DYM: variants seen among roughly 807,000 people sequenced by gnomAD.
The protein encoded by DYM is dyggve-Melchior-Clausen syndrome protein.
A neutral mutation model predicts 93.1 loss-of-function variants in DYM; 78 were observed. The observed-to-expected ratio is 0.84, with a 90% CI of 0.70 to 1.01. The LOEUF (loss-of-function observed/expected upper bound fraction) is 1.01, where lower values mean the gene tolerates loss of function less well. Ranked by LOEUF, DYM falls within the 50% of genes least tolerant of loss-of-function variation. The pLI, the probability that DYM is intolerant of heterozygous loss-of-function variation, is 0.00. For missense variants in DYM, 789 were observed against 845.0 expected (o/e 0.93, Z 0.82); for synonymous variants, 321 against 319.7 (o/e 1.00, Z -0.04).
chr18:49,148,428 A>G (rs1307940780), intron 15 of DYM, among the ~76,000 whole-genome samples: 2 of 152,042 alleles, frequency 1.3e-5, no homozygotes, highest in African/African-American at 4.8e-5. Flanking sequence ...TTTTAAATTA[A>G]TTAATTTTTT....
intron 6 of DYM, among the ~76,000 whole-genome samples, chr18:49,362,056 G>T (rs1209575832): frequency 6.8e-6 from 1 of 148,022 alleles, no homozygotes; most frequent in Non-Finnish European, 1.5e-5. Context: ...AGTAGAGACA[G>T]GGTCTCACTA....
intron 1 of DYM, among the ~76,000 whole-genome samples, chr18:49,441,791 G>A (rs993630330): frequency 1.3e-5 from 2 of 152,072 alleles, no homozygotes; most frequent in Admixed American, 6.5e-5. Flanking sequence ...AAGAGCGAGA[G>A]ACAGGGCACT....
intron 2 of DYM, among the ~76,000 whole-genome samples, chr18:49,425,463 C>T (rs1187217666): frequency 6.6e-6 from 1 of 152,072 alleles, no homozygotes; most frequent in East Asian, 1.9e-4. Context: ...CTAGGCAATA[C>T]CATTCAGGAC....
At position 49,168,990 on chromosome 18, in the gene DYM, C is replaced by T. The variant is rs545373467; in HGVS notation, c.1626-5203G>A. ...GGTGAGAAGTGGCAAGAAATGAAGC[C>T]GGTAAGACAAGAGGGGCCAAATAAG... On this transcript the variant is annotated intron_variant, in intron 14 of 17. Coordinates refer to ENST00000675505, the MANE Select transcript of DYM (RefSeq NM_001353214.3). Among the ~76,000 whole-genome samples, 204 of 152,124 alleles carry T rather than the reference C, an allele frequency of 1.3e-3. No individual in the cohort carries two copies. The Middle Eastern group carries it at 0.014, about 10-fold the overall frequency.
chr18:49,187,009 T>A (rs1275432757), intron 14 of DYM, among the ~76,000 whole-genome samples: 1 of 150,770 alleles, frequency 6.6e-6, no homozygotes. Context: ...AAGCTCCGCT[T>A]CCTGGGTTCA....
intron 13 of DYM, among the ~76,000 whole-genome samples, chr18:49,238,055 C>T (rs28459135): frequency 0.025 from 3,777 of 152,150 alleles, 148 homozygotes; most frequent in African/African-American, 0.085. Context: ...CACAAATGCA[C>T]GTAGGATTGC....
rs77403955 is a variant in DYM, at chr18:49,123,425, T to A, written c.1729-4499A>T. ...ATCCCATGGTGAGGCTGTTTCTGTGTACTCTTGCCTCCCTAGACATATAAT... is the reference window on the plus strand; with the variant it reads ...ATCCCATGGTGAGGCTGTTTCTGTGAACTCTTGCCTCCCTAGACATATAAT... On this transcript the variant is annotated intron_variant, in intron 15 of 17. Coordinates refer to ENST00000675505, the MANE Select transcript of DYM (RefSeq NM_001353214.3). Among the ~76,000 whole-genome samples, 857 of 152,336 alleles carry A rather than the reference T, an allele frequency of 5.6e-3. 4 individuals are homozygous for A. Among genetic ancestry groups the A allele is most frequent in the Admixed American group, 0.011 (164 of 15,308 alleles).
chr18:49,114,956 G>C (rs1372337138), intron 16 of DYM, among the ~76,000 whole-genome samples: 1 of 152,212 alleles, frequency 6.6e-6, no homozygotes, highest in African/African-American at 2.4e-5. Flanking sequence ...AGCATTTAGT[G>C]AATGTGTATA....
chr18:49,141,089 C>A (rs943064702), intron 15 of DYM, among the ~76,000 whole-genome samples: 10 of 152,214 alleles, frequency 6.6e-5, no homozygotes, highest in Non-Finnish European at 1.5e-4. Context: ...GGTTGGAGGT[C>A]TCTCAGAGCT....
intron 11 of DYM, among the ~76,000 whole-genome samples, chr18:49,258,986 A>C (rs1330505030): frequency 1.3e-5 from 2 of 150,914 alleles, no homozygotes; most frequent in East Asian, 1.9e-4. Context: ...AAAAACAAAA[A>C]AAAAAACAAA....
chr18:49,230,888 A>T (rs2093674883), intron 13 of DYM, among the ~76,000 whole-genome samples: 1 of 152,218 alleles, frequency 6.6e-6, no homozygotes, highest in Non-Finnish European at 1.5e-5. Context: ...TCAATAACCT[A>T]TATGTAGAAA....
Position 49,202,760 on chromosome 18 carries a change from C to G in DYM, c.1625+6791G>C, listed in dbSNP as rs1423151851. 2.1e-3 allele frequency among the ~76,000 whole-genome samples: 84 copies of G among 39,708 alleles called. 1 individual carries two copies. Among genetic ancestry groups the G allele is most frequent in the Admixed American group, 0.017 (64 of 3,860 alleles). 26.0% of individuals were successfully genotyped at this position (39,708 alleles called of 152,430 possible). A position where few individuals can be genotyped will look rare whatever the true frequency, so the allele number is the denominator to read the frequency against. On this transcript the variant is annotated intron_variant, in intron 14 of 17. Coordinates refer to ENST00000675505, the MANE Select transcript of DYM (RefSeq NM_001353214.3). The stretch of plus-strand genomic sequence containing the variant: ...AGTGAGGAGACCCTCTGCCTGGCAA[C>G]CACCCCGTCTGAGAAGTGAGGAGCC...
At chr18:49,055,848 C>A (rs1000698221) in intron 17 of DYM, among the ~76,000 whole-genome samples, 22 of 152,232 alleles carry the variant, frequency 1.4e-4, no homozygotes, top group African/African-American at 5.1e-4. Flanking sequence ...CCTGGAAAGG[C>A]TGGGTGAAGA....
chr18:49,317,688 C>CCTTT lies in DYM; in HGVS notation c.763+14172_763+14175dup, dbSNP rs762638420. On this transcript the variant is annotated intron_variant, in intron 8 of 17. Transcript: ENST00000675505. ...TCCTTCCTTCCTTCCTTCCTTCCTT[C>CCTTT]CTTTCTTTCTTTCTTTCAAGCAATT... Among the ~76,000 whole-genome samples the CCTTT allele has an allele frequency of 4.2e-4, 37 of 88,632 alleles. 2 individuals carry two copies. The highest frequency in any genetic ancestry group is 1.4e-3 in the African/African-American group (31 of 22,780). The allele number at this position is 88,632 out of a possible 152,430, so 58.1% of individuals were successfully genotyped here. A position where few individuals can be genotyped will look rare whatever the true frequency, so the allele number is the denominator to read the frequency against.
chr18:49,378,826 G>A (rs2067764603), intron 4 of DYM, 126 bp from the exon 5 acceptor site: 1 of 890,468 alleles, frequency 1.1e-6, no homozygotes, highest in Non-Finnish European at 1.8e-6. Flanking sequence ...TTAGGATAAT[G>A]TCCATATCTT....
intron 17 of DYM, among the ~76,000 whole-genome samples, chr18:49,060,413 AAGTGGTCCTCTCC>A (rs1175839220): frequency 6.6e-6 from 1 of 151,810 alleles, no homozygotes; most frequent in Non-Finnish European, 1.5e-5. Flanking sequence ...CCAGAGTCTT[AAGTGGTCCTCTCC>A]AGTGCCCAGT....
chr18:49,108,348 G>C (rs1050562001), intron 16 of DYM, among the ~76,000 whole-genome samples: 1 of 152,248 alleles, frequency 6.6e-6, no homozygotes, highest in African/African-American at 2.4e-5. Context: ...GACCCCTTGT[G>C]CTTCCCGGGT....
Position 49,337,944 on chromosome 18 carries a change from C to T in DYM, c.495-4091G>A, listed in dbSNP as rs369349904. Among the ~76,000 whole-genome samples the T allele has an allele frequency of 7.9e-5, 12 of 151,854 alleles. No homozygotes were observed. In the East Asian group the frequency reaches 1.9e-3, roughly 24 times the overall value. Reference sequence around the variant, plus strand: ...TGAAGGAAAATAAGAAATTCAATATCGATCAAACAGATTAAAAGAAGGTGG... The same window carrying T: ...TGAAGGAAAATAAGAAATTCAATATTGATCAAACAGATTAAAAGAAGGTGG... On this transcript the variant is annotated intron_variant, in intron 6 of 17. Transcript: ENST00000675505.
chr18:49,401,979 T>C (rs1430341131), intron 2 of DYM, among the ~76,000 whole-genome samples: 1 of 148,884 alleles, frequency 6.7e-6, no homozygotes, highest in Non-Finnish European at 1.5e-5. Flanking sequence ...TGAGCCGAGA[T>C]GACACCACTG....
Sources: allele counts gnomAD v4.1 joint callset (sites outside exome capture counted in the v4.1 genomes callset), GRCh38; gene constraint gnomAD v4.1.1; transcripts MANE v1.5; gene names NCBI Gene and HGNC (gene_info 2026-07-23, HGNC 2026-07-21).